The following RTF1 variants were observed in gnomAD, a reference collection of about 807,000 sequenced individuals.
The protein encoded by RTF1 is RNA polymerase-associated protein RTF1 homolog.
In RTF1, 10 loss-of-function variants were observed where a neutral mutation model predicts 95.7. The observed-to-expected ratio is 0.10, with a 90% CI of 0.06 to 0.18. The LOEUF (loss-of-function observed/expected upper bound fraction) is 0.18. Among genes scored for constraint, RTF1 ranks in the 10% least tolerant of loss-of-function variants. The probability of loss-of-function intolerance (pLI) is 1.00; values close to 1 mark genes in which losing one functional copy is unlikely to be tolerated. For synonymous variants in RTF1, 305 were observed against 311.8 expected (o/e 0.98, Z 0.23); for missense variants, 458 against 875.6 (o/e 0.52, Z 6.02).
At chr15:41,458,955 C>CCT in intron 4 of RTF1, among the ~76,000 whole-genome samples, 1 of 152,074 alleles carries the variant, frequency 6.6e-6, no homozygotes, top group African/African-American at 2.4e-5. Context: ...ATCTGTAATC[C>CCT]CAGCTATTCG....
intron 2 of RTF1, among the ~76,000 whole-genome samples, chr15:41,444,843 G>A (rs2140954707): frequency 6.6e-6 from 1 of 152,272 alleles, no homozygotes; most frequent in East Asian, 1.9e-4. Context: ...GAATGCCATA[G>A]AGTTTAGGCT....
intron 2 of RTF1, among the ~76,000 whole-genome samples, chr15:41,441,676 A>G (rs574960542): frequency 4.1e-4 from 62 of 152,270 alleles, no homozygotes; most frequent in African/African-American, 1.4e-3. Flanking sequence ...ACACTACCCA[A>G]TGATTTGTGC....
Position 41,466,141 on chromosome 15 carries a change from G to A in RTF1, c.778G>A (p.Val260Ile). The change falls in exon 6 of 18, where the codon GTA (valine) becomes ATA (isoleucine). Residue 260 changes from valine to isoleucine, a missense_variant and splice_region_variant. Physicochemically the swap from Val to Ile is conservative, Grantham distance 29. Around this residue, in one of 11 missense-constraint regions of RTF1, gnomAD observed 39 missense variants for 43.8 expected, o/e 0.89. Coordinates refer to ENST00000389629, the MANE Select transcript of RTF1 (RefSeq NM_015138.5). ...KKLTQIQESQ[V>I]TSHNKERRSK... ...ATTCTATATATCCTTCCCTTCCTAG[G>A]TAACATCCCACAACAAGGAACGGCG... 6.4e-7 allele frequency: 1 copy of A among 1,561,470 alleles called. No individual in the cohort carries two copies. Among genetic ancestry groups the A allele is most frequent in the East Asian group, 2.3e-5 (1 of 43,630 alleles).
At chr15:41,469,666 C>G (rs748407304) in intron 6 of RTF1, among the ~76,000 whole-genome samples, 3 of 151,946 alleles carry the variant, frequency 2.0e-5, no homozygotes, top group Non-Finnish European at 4.4e-5. Flanking sequence ...GCTGGGATAA[C>G]AGGTGCCGGC....
chr15:41,417,371 G>A, intron 1 of RTF1, 58 bp downstream of exon 1: 1 of 1,235,304 alleles, frequency 8.1e-7, no homozygotes, highest in Non-Finnish European at 1.0e-6. Context: ...CGGGGCCGCG[G>A]GAGCCGGAGA....
intron 3 of RTF1, 100 bp from the exon 4 acceptor site, chr15:41,457,572 A>T: frequency 2.0e-6 from 2 of 1,006,968 alleles, no homozygotes; most frequent in Non-Finnish European, 3.1e-6. Flanking sequence ...CTGGTTTCTT[A>T]CTGTAGCTGA....
intron 2 of RTF1, among the ~76,000 whole-genome samples, chr15:41,441,609 A>T (rs1018716124): frequency 6.6e-6 from 1 of 152,186 alleles, no homozygotes; most frequent in Non-Finnish European, 1.5e-5. Context: ...TTCATGGTTT[A>T]GGGTTCCCTT....
rs774334722 is a variant in RTF1 at position 41,478,062 on chromosome 15, C to T, written c.1741-486C>T. 2.6e-5 allele frequency among the ~76,000 whole-genome samples: 4 copies of T among 151,256 alleles called. No individual in the cohort carries two copies. In the East Asian group the frequency reaches 5.8e-4, roughly 22 times the overall value. On this transcript the variant is annotated intron_variant, in intron 14 of 17. Coordinates refer to ENST00000389629, the MANE Select transcript of RTF1 (RefSeq NM_015138.5). ...TGGAGATTGCAGTGAGCTGTCGTGCCACTGCACTTTAGCCTGGGCAAGAGA... is the reference window on the plus strand; with the variant it reads ...TGGAGATTGCAGTGAGCTGTCGTGCTACTGCACTTTAGCCTGGGCAAGAGA...
intron 9 of RTF1, among the ~76,000 whole-genome samples, chr15:41,475,022 A>G (rs369990845): frequency 6.6e-5 from 10 of 152,128 alleles, no homozygotes; most frequent in African/African-American, 2.2e-4. Flanking sequence ...TTCTGGCTCT[A>G]TGTCATAACC....
At chr15:41,460,879 CTTTTTTTT>C (rs765169928) in intron 4 of RTF1, among the ~76,000 whole-genome samples, 1 of 135,394 alleles carries the variant, frequency 7.4e-6, no homozygotes, top group Non-Finnish European at 1.6e-5. Flanking sequence ...TCTTTTTTTT[CTTTTTTTT>C]TTTTTTTGAG....
chr15:41,468,022 A>G (rs1489543722), intron 6 of RTF1, among the ~76,000 whole-genome samples: 1 of 151,574 alleles, frequency 6.6e-6, no homozygotes, highest in Non-Finnish European at 1.5e-5. Context: ...AAAATTAGTC[A>G]GGCGTGGTAG....
intron 2 of RTF1, among the ~76,000 whole-genome samples, chr15:41,451,241 C>CT (rs34594082): frequency 0.036 from 5,417 of 152,208 alleles, 136 homozygotes; most frequent in Non-Finnish European, 0.051. Flanking sequence ...TAATACCAGA[C>CT]TTAATATTCA....
At chr15:41,430,433 G>A (rs61296254) in intron 1 of RTF1, among the ~76,000 whole-genome samples, 1 of 151,972 alleles carries the variant, frequency 6.6e-6, no homozygotes, top group South Asian at 2.1e-4. Context: ...GCTATTATGA[G>A]CCCTCAATAA....
At chr15:41,451,658 C>T (rs2050790119) in intron 2 of RTF1, among the ~76,000 whole-genome samples, 1 of 152,174 alleles carries the variant, frequency 6.6e-6, no homozygotes, top group Non-Finnish European at 1.5e-5. Context: ...GGAGTTAGTG[C>T]CAGTGCTGCC....
intron 16 of RTF1, among the ~76,000 whole-genome samples, chr15:41,479,739 G>A (rs1468792994): frequency 1.3e-5 from 2 of 151,664 alleles, no homozygotes; most frequent in East Asian, 1.9e-4. Context: ...GGCGGGTTCC[G>A]ATAACTCCAG....
intron 2 of RTF1, among the ~76,000 whole-genome samples, chr15:41,451,474 T>C (rs2050789290): frequency 6.6e-6 from 1 of 152,220 alleles, no homozygotes; most frequent in East Asian, 1.9e-4. Flanking sequence ...TTGGGGTAGT[T>C]AACTGTATTG....
rs1278761877 is a variant in RTF1 at position 41,482,452 on chromosome 15, T to C, written c.*1765T>C. 1 of 152,480 alleles carries C rather than the reference T, an allele frequency of 6.6e-6. No individual in the cohort carries two copies. Among genetic ancestry groups the C allele is most frequent in the Non-Finnish European group, 1.5e-5 (1 of 68,048 alleles). The allele number at this position is 152,480 out of a possible 1,614,324, so 9.4% of individuals were successfully genotyped here. A position where few individuals can be genotyped will look rare whatever the true frequency, so the allele number is the denominator to read the frequency against. On this transcript the variant is annotated 3_prime_UTR_variant, in exon 18 of 18. Coordinates refer to ENST00000389629, the MANE Select transcript of RTF1 (RefSeq NM_015138.5). Reference sequence around the variant, plus strand: ...GGGGGACGATGGGAAATCATGGACTTGTAAGTTGTATTTAAACATAAAAAT... The same window carrying C: ...GGGGGACGATGGGAAATCATGGACTCGTAAGTTGTATTTAAACATAAAAAT...
intron 2 of RTF1, among the ~76,000 whole-genome samples, chr15:41,451,792 A>C (rs1406846283): frequency 6.6e-6 from 1 of 152,184 alleles, no homozygotes; most frequent in Non-Finnish European, 1.5e-5. Context: ...TCTGTACTGA[A>C]ACCCAGACAT....
intron 2 of RTF1, among the ~76,000 whole-genome samples, chr15:41,449,628 C>T (rs2140956963): frequency 6.6e-6 from 1 of 152,076 alleles, no homozygotes; most frequent in South Asian, 2.1e-4. Flanking sequence ...TAGGTGTGAG[C>T]CACCACACTT....
Sources: gnomAD v4.1 joint callset for allele counts (sites outside exome capture counted in the v4.1 genomes callset) on GRCh38, gnomAD v4.1.1 for gene constraint, gnomAD v4.1.1 regional missense constraint, MANE v1.5 for transcripts, NCBI Gene and HGNC (gene_info 2026-07-23, HGNC 2026-07-21) for gene names.